The following AGBL1 variants were observed in gnomAD, a reference collection of about 807,000 sequenced individuals.
The protein encoded by AGBL1 is cytosolic carboxypeptidase 4.
In AGBL1, 130 loss-of-function variants were observed where a neutral mutation model predicts 118.9. The observed-to-expected ratio is 1.09, with a 90% CI of 0.95 to 1.26. The LOEUF is 1.26. Ranked by LOEUF, AGBL1 falls within the 50% of genes most tolerant of loss-of-function variation. The pLI is 0.00. For missense variants in AGBL1, 1,584 were observed against 1,298.1 expected (o/e 1.22, Z -3.38); for synonymous variants, 555 against 478.9 (o/e 1.16, Z -2.08).
chr15:86,087,646 A>G (rs560237197), intron 1 of AGBL1, among the ~76,000 whole-genome samples: 2 of 152,332 alleles, frequency 1.3e-5, no homozygotes, highest in East Asian at 1.9e-4. Context: ...TAATCTTTGC[A>G]ACAATCCTAA....
intron 18 of AGBL1, among the ~76,000 whole-genome samples, chr15:86,482,126 T>C (rs368454931): frequency 1.3e-5 from 2 of 152,298 alleles, no homozygotes; most frequent in East Asian, 3.9e-4. Context: ...TGAGTTAACC[T>C]ACTTTTGTAA....
intron 18 of AGBL1, among the ~76,000 whole-genome samples, chr15:86,416,564 C>T (rs530329892): frequency 1.3e-5 from 2 of 151,026 alleles, no homozygotes; most frequent in Non-Finnish European, 2.9e-5. Context: ...GTGGGGAACA[C>T]TTTTTTATAA....
Position 86,127,476 on chromosome 15 carries a change from G to A in AGBL1, c.52-14528G>A, listed in dbSNP as rs538237070. On this transcript the variant is annotated intron_variant, in intron 1 of 22. Transcript: ENST00000614907. ...CTTGATTACTTTGGCCTATAGTGTG[G>A]TGAGTATGGACACAATGGAAGGTGA... 6.6e-5 allele frequency among the ~76,000 whole-genome samples: 10 copies of A among 152,292 alleles called. No homozygotes were observed. In the South Asian group the frequency reaches 2.1e-3, roughly 32 times the overall value.
At chr15:86,405,164 G>A (rs2081506473) in intron 18 of AGBL1, among the ~76,000 whole-genome samples, 1 of 152,196 alleles carries the variant, frequency 6.6e-6, no homozygotes, top group African/African-American at 2.4e-5. Flanking sequence ...GACTATCTAA[G>A]TGTTAATCAG....
intron 22 of AGBL1, among the ~76,000 whole-genome samples, chr15:86,679,551 TTCTTA>T (rs2085913765): frequency 6.6e-6 from 1 of 152,088 alleles, no homozygotes; most frequent in South Asian, 2.1e-4. Context: ...TTACTTCTTT[TTCTTA>T]TCTTATGATC....
chr15:86,311,095 G>T (rs142024995), intron 17 of AGBL1, among the ~76,000 whole-genome samples: 1 of 152,292 alleles, frequency 6.6e-6, no homozygotes, highest in Non-Finnish European at 1.5e-5. Context: ...GAAACCTTCA[G>T]GGGGAGAGAC....
chr15:86,369,819 A>G (rs2080945644), intron 17 of AGBL1, among the ~76,000 whole-genome samples: 1 of 152,110 alleles, frequency 6.6e-6, no homozygotes, highest in African/African-American at 2.4e-5. Context: ...AAATACAATC[A>G]TGTGATCTAT....
chr15:86,504,200 T>A (rs1462906238), intron 18 of AGBL1, among the ~76,000 whole-genome samples: 1 of 151,696 alleles, frequency 6.6e-6, no homozygotes, highest in Non-Finnish European at 1.5e-5. Flanking sequence ...TGTTTGTGAG[T>A]TAAAGTACAT....
chr15:86,955,920 G>C (rs1464226492), intron 23 of AGBL1, among the ~76,000 whole-genome samples: 1 of 152,090 alleles, frequency 6.6e-6, no homozygotes, highest in Non-Finnish European at 1.5e-5. Flanking sequence ...AACTCCTGCT[G>C]GTGGGAGTGA....
At chr15:86,404,468 C>A (rs535904507) in intron 18 of AGBL1, among the ~76,000 whole-genome samples, 346 of 152,240 alleles carry the variant, frequency 2.3e-3, no homozygotes, top group Non-Finnish European at 3.3e-3. Context: ...TGGGCCAGGC[C>A]TTTTCCTTCC....
intron 23 of AGBL1, among the ~76,000 whole-genome samples, chr15:86,931,365 T>C (rs2080600709): frequency 6.6e-6 from 1 of 152,076 alleles, no homozygotes; most frequent in South Asian, 2.1e-4. Flanking sequence ...GTCTTCAGAG[T>C]GAGGTACCTG....
chr15:86,895,069 C>G (rs1343436487), intron 22 of AGBL1, among the ~76,000 whole-genome samples: 1 of 150,762 alleles, frequency 6.6e-6, no homozygotes, highest in Non-Finnish European at 1.5e-5. Context: ...TTTATCTTCC[C>G]TCCTTCCCTT....
intron 22 of AGBL1, among the ~76,000 whole-genome samples, chr15:86,836,597 A>G (rs1049223010): frequency 2.0e-5 from 3 of 152,096 alleles, no homozygotes; most frequent in Admixed American, 6.5e-5. Context: ...TTCAAGCCAT[A>G]CAATACCTCC....
At chr15:86,992,175 G>C (rs1029351889) in intron 24 of AGBL1, among the ~76,000 whole-genome samples, 1 of 151,944 alleles carries the variant, frequency 6.6e-6, no homozygotes, top group East Asian at 1.9e-4. Context: ...TGTAGCACGT[G>C]CCACACTCTT....
intron 21 of AGBL1, among the ~76,000 whole-genome samples, chr15:86,653,856 A>G (rs2085418837): frequency 1.3e-5 from 2 of 152,158 alleles, no homozygotes; most frequent in Non-Finnish European, 2.9e-5. Flanking sequence ...CAAATACAGC[A>G]CAACACTCAA....
chr15:86,576,307 A>G, intron 21 of AGBL1, among the ~76,000 whole-genome samples: 1 of 152,070 alleles, frequency 6.6e-6, no homozygotes, highest in East Asian at 1.9e-4. Context: ...TGAGAGAAAA[A>G]CGATTTGGGA....
chr15:86,096,932 G>A (rs1434928848), intron 1 of AGBL1, among the ~76,000 whole-genome samples: 1 of 152,042 alleles, frequency 6.6e-6, no homozygotes, highest in Non-Finnish European at 1.5e-5. Context: ...CCAGGTATTA[G>A]CCCACTTATC....
chr15:86,093,313 C>A (rs531422585), intron 1 of AGBL1, among the ~76,000 whole-genome samples: 1 of 152,264 alleles, frequency 6.6e-6, no homozygotes, highest in East Asian at 1.9e-4. Flanking sequence ...TTAAAAACAT[C>A]ATTGGTGGAA....
At chr15:86,285,933 T>A (rs1313372881) in intron 16 of AGBL1, among the ~76,000 whole-genome samples, 2 of 152,172 alleles carry the variant, frequency 1.3e-5, no homozygotes, top group Non-Finnish European at 2.9e-5. Context: ...TGGTGGCTTC[T>A]ATAGACCAAC....
Sources: allele counts gnomAD v4.1 joint callset (sites outside exome capture counted in the v4.1 genomes callset), GRCh38; gene constraint gnomAD v4.1.1; transcripts MANE v1.5; gene names NCBI Gene and HGNC (gene_info 2026-07-23, HGNC 2026-07-21).